The following SLC39A11 variants were observed in gnomAD, a reference collection of about 807,000 sequenced individuals.
SLC39A11 encodes zinc transporter ZIP11.
In SLC39A11, 33 loss-of-function variants were observed where a neutral mutation model predicts 36.1. The ratio of observed to expected loss-of-function variants is 0.91; its 90% CI spans 0.69 to 1.22. The LOEUF is 1.22. Ranked by LOEUF, SLC39A11 falls within the 50% of genes most tolerant of loss-of-function variation. The probability of loss-of-function intolerance (pLI) is 0.00; values close to 1 mark genes in which losing one functional copy is unlikely to be tolerated. For synonymous variants in SLC39A11, 166 were observed against 170.3 expected, an observed-to-expected ratio of 0.97 and a Z score of 0.20; for missense variants, 432 against 430.3, an observed-to-expected ratio of 1.00 and a Z score of -0.03.
rs1161161655 is a variant in SLC39A11, at chr17:72,851,485, G to A, written c.431-1681C>T. Among the ~76,000 whole-genome samples, 3 of 152,234 alleles carry A rather than the reference G, an allele frequency of 2.0e-5. No homozygotes were observed. The East Asian group carries it at 5.8e-4, about 29-fold the overall frequency. ...TTTATTGGGAGAGAAAACCCAGCAAGCATAACTCAGGTGTCTGTTAAATTA... is the reference window on the plus strand; with the variant it reads ...TTTATTGGGAGAGAAAACCCAGCAAACATAACTCAGGTGTCTGTTAAATTA... On this transcript the variant is annotated intron_variant, in intron 5 of 9. Transcript: ENST00000255559.
chr17:72,964,977 T>C (rs2086864172), intron 4 of SLC39A11, among the ~76,000 whole-genome samples: 1 of 151,956 alleles, frequency 6.6e-6, no homozygotes, highest in Non-Finnish European at 1.5e-5. Context: ...CTGGAAACCA[T>C]CATTCTCAGC....
chr17:72,892,577 A>T (rs544725082), intron 5 of SLC39A11, among the ~76,000 whole-genome samples: 1 of 152,308 alleles, frequency 6.6e-6, no homozygotes, highest in South Asian at 2.1e-4. Context: ...CAAATTCAAG[A>T]GTCTATTTCC....
At chr17:72,687,054 G>T (rs574544289) in intron 7 of SLC39A11, among the ~76,000 whole-genome samples, 1 of 152,268 alleles carries the variant, frequency 6.6e-6, no homozygotes, top group South Asian at 2.1e-4. Context: ...TTGAGACAGG[G>T]TCATGCTCTG....
At chr17:72,770,400 T>C (rs1297520960) in intron 6 of SLC39A11, among the ~76,000 whole-genome samples, 1 of 152,242 alleles carries the variant, frequency 6.6e-6, no homozygotes, top group Non-Finnish European at 1.5e-5. Context: ...GTGCTGATGG[T>C]TGTAGGCCCA....
intron 5 of SLC39A11, among the ~76,000 whole-genome samples, chr17:72,874,033 C>G (rs1019345228): frequency 6.6e-6 from 1 of 152,166 alleles, no homozygotes; most frequent in Non-Finnish European, 1.5e-5. Flanking sequence ...TCCCCAGGCA[C>G]GCTGAACTGT....
chr17:72,851,990 C>G (rs1323366824), intron 5 of SLC39A11, among the ~76,000 whole-genome samples: 1 of 151,806 alleles, frequency 6.6e-6, no homozygotes, highest in Non-Finnish European at 1.5e-5. Flanking sequence ...ATCATGAGGT[C>G]AGGAGATTGA....
At chr17:73,016,588 C>A (rs1050331463) in intron 4 of SLC39A11, among the ~76,000 whole-genome samples, 4 of 152,184 alleles carry the variant, frequency 2.6e-5, no homozygotes, top group African/African-American at 9.7e-5. Flanking sequence ...CCTGCCTCAG[C>A]CTCCCAAAGT....
chr17:72,734,187 G>T (rs2074335993), intron 7 of SLC39A11, among the ~76,000 whole-genome samples: 1 of 152,138 alleles, frequency 6.6e-6, no homozygotes, highest in South Asian at 2.1e-4. Flanking sequence ...ACAAGTCTTG[G>T]CCCAGGGGCT....
intron 4 of SLC39A11, among the ~76,000 whole-genome samples, chr17:73,002,105 A>G (rs2089856332): frequency 6.6e-6 from 1 of 152,124 alleles, no homozygotes; most frequent in African/African-American, 2.4e-5. Flanking sequence ...AATGCATTCT[A>G]TTGTAAGACA....
intron 4 of SLC39A11, among the ~76,000 whole-genome samples, chr17:72,983,255 T>C (rs1039003992): frequency 9.2e-5 from 14 of 152,106 alleles, no homozygotes; most frequent in Non-Finnish European, 1.9e-4. Context: ...GTTCAAGCGA[T>C]TCTCCTGTCT....
At chr17:73,054,333 C>G (rs1471625146) in intron 3 of SLC39A11, among the ~76,000 whole-genome samples, 1 of 150,864 alleles carries the variant, frequency 6.6e-6, no homozygotes, top group African/African-American at 2.4e-5. Flanking sequence ...GCACTCCAGC[C>G]TGGGAGCTGG....
chr17:72,937,229 T>C (rs550512022), intron 5 of SLC39A11, among the ~76,000 whole-genome samples: 2 of 152,106 alleles, frequency 1.3e-5, no homozygotes, highest in African/African-American at 4.8e-5. Context: ...TCGCCTGAGC[T>C]CAGGAGTTCA....
intron 7 of SLC39A11, among the ~76,000 whole-genome samples, chr17:72,672,950 G>T (rs1160016563): frequency 6.6e-6 from 1 of 151,906 alleles, no homozygotes; most frequent in African/African-American, 2.4e-5. Flanking sequence ...ATACCTATTT[G>T]TTTACATATT....
At position 72,919,880 on chromosome 17, in the gene SLC39A11, G is replaced by C. The variant is rs16977436; in HGVS notation, c.430+27872C>G. ...GGCTGGAATTCACTTTCGGAGAGCC[G>C]GGTGGACAAGCACAAACGTGGTCAC... is the stretch of plus-strand genomic sequence containing the variant. On this transcript the variant is annotated intron_variant, in intron 5 of 9. Coordinates refer to ENST00000255559, the MANE Select transcript of SLC39A11 (RefSeq NM_139177.4). Among the ~76,000 whole-genome samples, 1,464 of 152,106 alleles carry C rather than the reference G, an allele frequency of 9.6e-3. 23 individuals carry two copies. The highest frequency in any genetic ancestry group is 0.033 in the African/African-American group (1,358 of 41,490).
chr17:72,719,342 G>A (rs2073551402), intron 7 of SLC39A11, among the ~76,000 whole-genome samples: 1 of 152,200 alleles, frequency 6.6e-6, no homozygotes, highest in Non-Finnish European at 1.5e-5. Flanking sequence ...TACTGGGATG[G>A]CAGCGAGGAC....
At chr17:72,716,840 G>A (rs375057871) in intron 7 of SLC39A11, among the ~76,000 whole-genome samples, 3 of 151,538 alleles carry the variant, frequency 2.0e-5, no homozygotes, top group East Asian at 1.9e-4. Context: ...GTGGTGGCAG[G>A]TGCCTGTAAT....
chr17:72,897,803 A>T (rs2082107018), intron 5 of SLC39A11, among the ~76,000 whole-genome samples: 1 of 152,204 alleles, frequency 6.6e-6, no homozygotes, highest in South Asian at 2.1e-4. Context: ...TTCGGTGTGG[A>T]GTTCTAAAAG....
Position 72,676,796 on chromosome 17 carries a change from T to A in SLC39A11, c.672-27528A>T, listed in dbSNP as rs531909881. On this transcript the variant is annotated intron_variant, in intron 7 of 9. Transcript: ENST00000255559. ...GTATACGTTAGGCAGAGGGTGCCTA[T>A]GTGACCAGTACCCTCAATAAAATCT... 3.3e-5 allele frequency among the ~76,000 whole-genome samples: 5 copies of A among 152,306 alleles called. No homozygotes were observed. The South Asian group carries it at 1.0e-3, about 32-fold the overall frequency.
At chr17:72,712,432 A>AT (rs1388110708) in intron 7 of SLC39A11, among the ~76,000 whole-genome samples, 2 of 152,040 alleles carry the variant, frequency 1.3e-5, no homozygotes, top group Admixed American at 1.3e-4. Flanking sequence ...CCCTCCCTTT[A>AT]TTTTTTTTGA....
Sources: gnomAD v4.1 joint callset for allele counts (sites outside exome capture counted in the v4.1 genomes callset) on GRCh38, gnomAD v4.1.1 for gene constraint, MANE v1.5 for transcripts, NCBI Gene and HGNC (gene_info 2026-07-23, HGNC 2026-07-21) for gene names.